Variants in COX10 observed in about 807,000 individuals in gnomAD.
The protein encoded by COX10 is cytochrome c oxidase assembly factor heme A:farnesyltransferase COX10.
COX10 carries 27 observed loss-of-function variants against 37.3 expected under a neutral mutation model. The ratio of observed to expected loss-of-function variants is 0.72; its 90% CI spans 0.53 to 1.00. The LOEUF (loss-of-function observed/expected upper bound fraction) is 1.00, where lower values mean the gene tolerates loss of function less well. COX10 is among the 50% of genes least tolerant of loss of function. The pLI is 0.00. For synonymous variants in COX10, 222 were observed against 229.1 expected (o/e 0.97, Z 0.28); for missense variants, 475 against 563.2 (o/e 0.84, Z 1.59).
intron 6 of COX10, 143 bp from the exon 7 acceptor site, chr17:14,206,667 G>C: frequency 9.6e-7 from 1 of 1,045,344 alleles, no homozygotes; most frequent in East Asian, 2.4e-5. Context: ...GCCACCCTGT[G>C]ATGTAGGCAG....
rs201075211 is a variant in COX10 at position 14,074,316 on chromosome 17, A to G, written c.44-7A>G. ...TAACCTTTCTTCCACTTCTCTCTCT[A>G]TTATAGGTTGCGTAGGAGGCTCTGT... On this transcript the variant is annotated splice_region_variant and splice_polypyrimidine_tract_variant and intron_variant, in intron 1 of 6. Coordinates refer to ENST00000261643, the MANE Select transcript of COX10 (RefSeq NM_001303.4). 13 of 1,614,020 alleles carry G rather than the reference A, an allele frequency of 8.1e-6. No individual in the cohort carries two copies. The highest frequency in any genetic ancestry group is 1.1e-5 in the South Asian group (1 of 91,084).
intron 4 of COX10, among the ~76,000 whole-genome samples, chr17:14,152,075 A>G (rs1567602732): frequency 6.6e-6 from 1 of 152,344 alleles, no homozygotes; most frequent in East Asian, 1.9e-4. Flanking sequence ...AAAACTAAAT[A>G]CCTTTAAGCA....
intron 4 of COX10, among the ~76,000 whole-genome samples, chr17:14,154,764 A>G (rs1904995802): frequency 6.6e-6 from 1 of 152,168 alleles, no homozygotes; most frequent in South Asian, 2.1e-4. Context: ...TGTTGGAGAA[A>G]TTATTCCCAT....
chr17:14,155,200 T>A (rs1407690606), intron 4 of COX10, among the ~76,000 whole-genome samples: 1 of 152,046 alleles, frequency 6.6e-6, no homozygotes, highest in African/African-American at 2.4e-5. Context: ...ATTCTAAAGA[T>A]TTTGACATGG....
At chr17:14,090,402 C>G (rs1407652238) in intron 3 of COX10, among the ~76,000 whole-genome samples, 3 of 151,970 alleles carry the variant, frequency 2.0e-5, no homozygotes, top group Non-Finnish European at 4.4e-5. Context: ...TTTGGAAAAC[C>G]TTTCCAAAAT....
At chr17:14,127,732 A>G (rs1485695614) in intron 4 of COX10, among the ~76,000 whole-genome samples, 3 of 152,164 alleles carry the variant, frequency 2.0e-5, no homozygotes, top group Non-Finnish European at 4.4e-5. Context: ...TTTGTATTTA[A>G]AAATTAAAAG....
intron 4 of COX10, among the ~76,000 whole-genome samples, chr17:14,133,564 C>T (rs1916511954): frequency 6.6e-6 from 1 of 151,488 alleles, no homozygotes; most frequent in Non-Finnish European, 1.5e-5. Flanking sequence ...TAATATAAAA[C>T]ATTTAATAAA....
intron 3 of COX10, among the ~76,000 whole-genome samples, chr17:14,080,309 C>T (rs1306991422): frequency 6.7e-6 from 1 of 150,236 alleles, no homozygotes; most frequent in Non-Finnish European, 1.5e-5. Context: ...CTGCAAGCTC[C>T]GCCTCCCGGG....
intron 4 of COX10, among the ~76,000 whole-genome samples, chr17:14,128,568 G>A (rs1050763354): frequency 2.0e-5 from 3 of 152,150 alleles, no homozygotes; most frequent in African/African-American, 7.2e-5. Context: ...GAATTCTCCT[G>A]ATAGGGTGTG....
At chr17:14,072,542 A>G (rs1213025225) in intron 1 of COX10, among the ~76,000 whole-genome samples, 1 of 152,080 alleles carries the variant, frequency 6.6e-6, no homozygotes, top group East Asian at 1.9e-4. Flanking sequence ...TTTAGTAGAG[A>G]TGGGGTTTCA....
At chr17:14,122,855 C>T (rs947168868) in intron 4 of COX10, among the ~76,000 whole-genome samples, 1 of 152,180 alleles carries the variant, frequency 6.6e-6, no homozygotes, top group African/African-American at 2.4e-5. Context: ...CCTACCTGTA[C>T]CCAAAGAAAC....
intron 4 of COX10, among the ~76,000 whole-genome samples, chr17:14,119,723 G>A (rs569540484): frequency 6.6e-5 from 10 of 152,270 alleles, no homozygotes; most frequent in African/African-American, 1.7e-4. Flanking sequence ...AAGAGGAAGC[G>A]TGGTTTAGAA....
chr17:14,135,441 G>A (rs1477215870), intron 4 of COX10, among the ~76,000 whole-genome samples: 1 of 151,742 alleles, frequency 6.6e-6, no homozygotes, highest in African/African-American at 2.4e-5. Flanking sequence ...GAATCACCTG[G>A]GGAGCTGATT....
intron 5 of COX10, among the ~76,000 whole-genome samples, chr17:14,168,804 C>T (rs752465896): frequency 3.3e-5 from 5 of 152,220 alleles, no homozygotes; most frequent in Non-Finnish European, 5.9e-5. Context: ...CCCACGAAGC[C>T]ATTTTTCACT....
chr17:14,153,947 A>G lies in COX10; in HGVS notation c.625-5930A>G, dbSNP rs140497285. Among the ~76,000 whole-genome samples the G allele has an allele frequency of 3.9e-3, 588 of 152,362 alleles. 4 individuals carry two copies. Among genetic ancestry groups the G allele is most frequent in the African/African-American group, 0.012 (504 of 41,584 alleles). Reference sequence around the variant, plus strand: ...ATATAATTGAATATTACTCAGCGATAAAAAGGAATGAACTATTGAAACCCT... The same window carrying G: ...ATATAATTGAATATTACTCAGCGATGAAAAGGAATGAACTATTGAAACCCT... On this transcript the variant is annotated intron_variant, in intron 4 of 6. Coordinates refer to ENST00000261643, the MANE Select transcript of COX10 (RefSeq NM_001303.4).
At chr17:14,106,741 T>A (rs1915901376) in intron 4 of COX10, among the ~76,000 whole-genome samples, 1 of 151,974 alleles carries the variant, frequency 6.6e-6, no homozygotes, top group Non-Finnish European at 1.5e-5. Context: ...GAGGTGGGAG[T>A]GTGTTTACTT....
At chr17:14,182,799 A>G (rs914139397) in intron 5 of COX10, among the ~76,000 whole-genome samples, 2 of 151,220 alleles carry the variant, frequency 1.3e-5, no homozygotes, top group African/African-American at 4.8e-5. Context: ...GCTGCTCAAA[A>G]TATAAAGCTT....
chr17:14,139,716 G>A (rs1904483389), intron 4 of COX10, among the ~76,000 whole-genome samples: 1 of 152,112 alleles, frequency 6.6e-6, no homozygotes, highest in Non-Finnish European at 1.5e-5. Flanking sequence ...CTTATACTTG[G>A]AAGGATCCCT....
chr17:14,182,033 C>A (rs1244253544), intron 5 of COX10: 5 of 979,702 alleles, frequency 5.1e-6, no homozygotes, highest in Non-Finnish European at 6.0e-6. Context: ...AATCTTTCTT[C>A]TCATCCTTCT....
Sources: gnomAD v4.1 joint callset for allele counts (sites outside exome capture counted in the v4.1 genomes callset) on GRCh38, gnomAD v4.1.1 for gene constraint, MANE v1.5 for transcripts, NCBI Gene and HGNC (gene_info 2026-07-23, HGNC 2026-07-21) for gene names.